The following DAB1 variants were observed in gnomAD, a reference collection of about 807,000 sequenced individuals.
DAB1 encodes the protein DAB adaptor protein 1, also known as disabled homolog 1.
DAB1 carries 15 observed loss-of-function variants against 64.6 expected under a neutral mutation model. The ratio of observed to expected loss-of-function variants is 0.23; its 90% CI spans 0.16 to 0.36. DAB1 has a LOEUF of 0.36. DAB1 is among the 10% of genes least tolerant of loss of function. The probability of loss-of-function intolerance (pLI) is 1.00; values close to 1 mark genes in which losing one functional copy is unlikely to be tolerated. For missense variants in DAB1, 596 were observed against 706.7 expected (o/e 0.84, Z 1.78); for synonymous variants, 235 against 251.9 (o/e 0.93, Z 0.64).
At chr1:57,845,158 C>G (rs559190234) in intron 1 of DAB1, among the ~76,000 whole-genome samples, 1 of 152,126 alleles carries the variant, frequency 6.6e-6, no homozygotes, top group African/African-American at 2.4e-5. Flanking sequence ...TAAGTTAAAT[C>G]TGAATGAGGA....
chr1:57,136,974 C>A (rs545287872), intron 3 of DAB1, among the ~76,000 whole-genome samples: 1 of 152,104 alleles, frequency 6.6e-6, no homozygotes, highest in African/African-American at 2.4e-5. Context: ...AATGTCTTTT[C>A]TGGGTTTTAT....
At chr1:57,604,951 A>G (rs1336795114) in intron 7 of DAB1, among the ~76,000 whole-genome samples, 3 of 151,982 alleles carry the variant, frequency 2.0e-5, no homozygotes, top group Non-Finnish European at 2.9e-5. Context: ...GGCTTGGACA[A>G]CTCTTTCCAA....
At chr1:57,816,544 G>A (rs1269675743) in intron 6 of DAB1, among the ~76,000 whole-genome samples, 1 of 152,172 alleles carries the variant, frequency 6.6e-6, no homozygotes, top group Non-Finnish European at 1.5e-5. Context: ...ATGACATACT[G>A]CATTCGTCTG....
chr1:58,426,488 A>G (rs756213837), intron 3 of DAB1, among the ~76,000 whole-genome samples: 2 of 152,308 alleles, frequency 1.3e-5, no homozygotes, highest in Admixed American at 1.3e-4. Context: ...GAGCTTGACA[A>G]ATTCCAGGAT....
At chr1:57,606,699 A>C (rs1442662270) in intron 7 of DAB1, among the ~76,000 whole-genome samples, 1 of 127,006 alleles carries the variant, frequency 7.9e-6, no homozygotes, top group Non-Finnish European at 1.6e-5. Context: ...AAATATATAT[A>C]TGAAATATAT....
At chr1:57,967,898 G>T (rs1360600714) in intron 5 of DAB1, among the ~76,000 whole-genome samples, 1 of 152,090 alleles carries the variant, frequency 6.6e-6, no homozygotes, top group Non-Finnish European at 1.5e-5. Flanking sequence ...TTAGCTGTGG[G>T]ATCTTAACTT....
intron 6 of DAB1, among the ~76,000 whole-genome samples, chr1:57,808,195 ATG>A (rs1221638751): frequency 2.2e-5 from 2 of 90,904 alleles, no homozygotes; most frequent in Non-Finnish European, 4.3e-5. Context: ...ACACATGCAC[ATG>A]CACACACACA....
chr1:57,568,613 A>G (rs1232710448), intron 7 of DAB1, among the ~76,000 whole-genome samples: 1 of 152,216 alleles, frequency 6.6e-6, no homozygotes, highest in Non-Finnish European at 1.5e-5. Flanking sequence ...AAAACCGGGC[A>G]AAAGGTATGA....
chr1:57,165,888 A>G (rs1259202926), intron 2 of DAB1, among the ~76,000 whole-genome samples: 2 of 152,234 alleles, frequency 1.3e-5, no homozygotes, highest in Non-Finnish European at 2.9e-5. Flanking sequence ...TTAAGATGAA[A>G]TGTAAATAGA....
chr1:57,576,105 C>T lies in DAB1; in HGVS notation n.625+73487G>A, dbSNP rs532025921. The stretch of plus-strand genomic sequence containing the variant: ...TGCACATTCAGTAGAAATCGTACTT[C>T]ACATTTTAGATTTTGATCTTTTATT... On this transcript the variant is annotated intron_variant and non_coding_transcript_variant, in intron 7 of 20. Coordinates refer to the DAB1 transcript ENST00000485760. 3.9e-5 allele frequency among the ~76,000 whole-genome samples: 6 copies of T among 152,274 alleles called. No homozygotes were observed. In the South Asian group the frequency reaches 1.2e-3, roughly 32 times the overall value.
intron 1 of DAB1, among the ~76,000 whole-genome samples, chr1:57,368,051 C>T (rs1471896123): frequency 6.6e-6 from 1 of 152,226 alleles, no homozygotes; most frequent in Admixed American, 6.5e-5. Flanking sequence ...GCACCTGCTC[C>T]CATCTTGAAG....
rs77722149 is a variant in DAB1, at chr1:58,039,332, C to T, written n.387+111179G>A. ...CCAGAGCCTGCTAAATTATCTAAAC[C>T]AGCCAAACTGCCTCACCTGTTCCTT... is the stretch of plus-strand genomic sequence containing the variant. On this transcript the variant is annotated intron_variant and non_coding_transcript_variant, in intron 5 of 20. Coordinates refer to the DAB1 transcript ENST00000485760. 3.7e-3 allele frequency among the ~76,000 whole-genome samples: 565 copies of T among 152,232 alleles called. 2 individuals carry two copies. The highest frequency in any genetic ancestry group is 0.013 in the African/African-American group (545 of 41,554).
chr1:57,340,299 T>C (rs1677466510), intron 1 of DAB1, among the ~76,000 whole-genome samples: 1 of 152,240 alleles, frequency 6.6e-6, no homozygotes, highest in Non-Finnish European at 1.5e-5. Flanking sequence ...TGTACACAAG[T>C]TCATTCTTCT....
intron 6 of DAB1, among the ~76,000 whole-genome samples, chr1:57,706,621 C>G (rs1646969581): frequency 6.6e-6 from 1 of 152,112 alleles, no homozygotes; most frequent in African/African-American, 2.4e-5. Flanking sequence ...AGACTACTCA[C>G]ATGTTTATCA....
At chr1:58,187,963 C>T (rs1311965854) in intron 4 of DAB1, among the ~76,000 whole-genome samples, 1 of 150,032 alleles carries the variant, frequency 6.7e-6, no homozygotes, top group Non-Finnish European at 1.5e-5. Flanking sequence ...GGCTGGAGTG[C>T]AGTCCCTTGG....
chr1:57,094,739 TG>T (rs1172687746), intron 4 of DAB1, among the ~76,000 whole-genome samples: 1 of 152,198 alleles, frequency 6.6e-6, no homozygotes, highest in Non-Finnish European at 1.5e-5. Flanking sequence ...ATCTTATCAC[TG>T]TCCTATGCTC....
chr1:57,623,039 T>C (rs1645879859), intron 7 of DAB1, among the ~76,000 whole-genome samples: 1 of 152,226 alleles, frequency 6.6e-6, no homozygotes, highest in Non-Finnish European at 1.5e-5. Context: ...GTCTTCATAA[T>C]AAATTTATTA....
chr1:58,009,865 T>C (rs1334310255), intron 5 of DAB1, among the ~76,000 whole-genome samples: 2 of 152,248 alleles, frequency 1.3e-5, no homozygotes, highest in Non-Finnish European at 2.9e-5. Flanking sequence ...TAACTCATCA[T>C]TGTCGTCACT....
intron 7 of DAB1, among the ~76,000 whole-genome samples, chr1:57,617,323 G>A (rs1395943358): frequency 6.6e-6 from 1 of 152,076 alleles, no homozygotes; most frequent in Non-Finnish European, 1.5e-5. Flanking sequence ...TCACACTGCA[G>A]TGGCCCAGGT....
Sources: gnomAD v4.1 joint callset for allele counts (sites outside exome capture counted in the v4.1 genomes callset) on GRCh38, gnomAD v4.1.1 for gene constraint, MANE v1.5 for transcripts, NCBI Gene and HGNC (gene_info 2026-07-23, HGNC 2026-07-21) for gene names.